The following UNC13C variants were observed in gnomAD, a reference collection of about 807,000 sequenced individuals.
UNC13C encodes protein unc-13 homolog C.
UNC13C carries 174 observed loss-of-function variants against 245.4 expected under a neutral mutation model. The observed-to-expected ratio is 0.71, with a 90% confidence interval of 0.63 to 0.80. UNC13C has a LOEUF of 0.80. Ranked by LOEUF, UNC13C falls within the 30% of genes least tolerant of loss-of-function variation. The probability of loss-of-function intolerance (pLI) is 0.00; values close to 1 mark genes in which losing one functional copy is unlikely to be tolerated. For synonymous variants in UNC13C, 992 were observed against 895.1 expected (o/e 1.11, Z -1.93); for missense variants, 2,829 against 2,602.9 (o/e 1.09, Z -1.89).
At chr15:54,584,831 C>T (rs188909021) in intron 30 of UNC13C, among the ~76,000 whole-genome samples, 52 of 152,248 alleles carry the variant, frequency 3.4e-4, no homozygotes, top group East Asian at 2.9e-3. Flanking sequence ...AATTAGGTGA[C>T]GGGTGAGACT....
Position 54,548,208 on chromosome 15 carries a change from C to CTTTTTTTTTTTT in UNC13C, c.5820+1382_5820+1393dup, listed in dbSNP as rs60975842. On this transcript the variant is annotated intron_variant, in intron 27 of 32. Transcript: ENST00000260323. ...TGTTGTTGTTGTTTTGTTTCTTTTG[C>CTTTTTTTTTTTT]TTTTTTTTTTTTTTTTTTTTTTTTT... 2.9e-4 allele frequency among the ~76,000 whole-genome samples: 18 copies of CTTTTTTTTTTTT among 61,936 alleles called. 2 individuals are homozygous for CTTTTTTTTTTTT. The highest frequency in any genetic ancestry group is 6.5e-4 in the African/African-American group (15 of 22,942). The allele number at this position is 61,936 out of a possible 152,430, so 40.6% of individuals were successfully genotyped here.
At chr15:54,443,007 T>C (rs763107239) in intron 19 of UNC13C, among the ~76,000 whole-genome samples, 20 of 152,270 alleles carry the variant, frequency 1.3e-4, no homozygotes, top group Non-Finnish European at 2.8e-4. Flanking sequence ...TTCTTCTTTA[T>C]ATATTTGCTA....
At chr15:54,494,806 GT>G in intron 20 of UNC13C, 72 bp downstream of exon 20, 1 of 1,528,558 alleles carries the variant, frequency 6.5e-7, no homozygotes, top group Non-Finnish European at 8.9e-7. Context: ...CCTGAATTGT[GT>G]ACCACTAAAA....
At chr15:54,147,789 C>CGTGTGTGTGTGTGTGTGTGTGTGT (rs56353727) in intron 4 of UNC13C, among the ~76,000 whole-genome samples, 104 of 147,590 alleles carry the variant, frequency 7.0e-4, no homozygotes, top group African/African-American at 1.3e-3. Flanking sequence ...AAGGTGTGTG[C>CGTGTGTGTGTGTGTGTGTGTGTGT]GTGTGTGTGT....
At chr15:54,131,405 T>C (rs993296136) in intron 2 of UNC13C, among the ~76,000 whole-genome samples, 1 of 152,254 alleles carries the variant, frequency 6.6e-6, no homozygotes, top group Non-Finnish European at 1.5e-5. Context: ...CCTGATCTAC[T>C]ATTTACTTTC....
At chr15:54,328,491 C>G (rs1162820003) in intron 14 of UNC13C, among the ~76,000 whole-genome samples, 1 of 151,962 alleles carries the variant, frequency 6.6e-6, no homozygotes, top group African/African-American at 2.4e-5. Context: ...CTAGCACCTC[C>G]CAGGGGTGCT....
chr15:54,108,762 TA>T lies in UNC13C; in HGVS notation c.2984-34251del, dbSNP rs567458637. 1.4e-3 allele frequency among the ~76,000 whole-genome samples: 209 copies of T among 152,254 alleles called. 1 individual carries two copies. Among genetic ancestry groups the T allele is most frequent in the African/African-American group, 4.9e-3 (204 of 41,542 alleles). On this transcript the variant is annotated intron_variant, in intron 2 of 32. Coordinates refer to ENST00000260323, the MANE Select transcript of UNC13C (RefSeq NM_001080534.3). Reference sequence around the variant, plus strand: ...TACTTTGTTTGGAAAATAGGGGAGATAAAAAGAGGTGGAGGCATACAGTAAG... The same window carrying T: ...TACTTTGTTTGGAAAATAGGGGAGATAAAAGAGGTGGAGGCATACAGTAAG...
chr15:54,449,090 T>C (rs554989899), intron 19 of UNC13C, among the ~76,000 whole-genome samples: 2 of 152,298 alleles, frequency 1.3e-5, no homozygotes, highest in East Asian at 3.9e-4. Context: ...TTTAAGAATG[T>C]TGAATATTGG....
the UNC13C span, among the ~76,000 whole-genome samples, chr15:53,919,212 T>C: frequency 6.6e-6 from 1 of 152,216 alleles, no homozygotes; most frequent in African/African-American, 2.4e-5. Flanking sequence ...GTAATAATTA[T>C]GGTGTCTCAA....
chr15:54,445,505 G>A (rs1447577746), intron 19 of UNC13C, among the ~76,000 whole-genome samples: 1 of 152,150 alleles, frequency 6.6e-6, no homozygotes, highest in Non-Finnish European at 1.5e-5. Context: ...TCACTGGTGT[G>A]AGATGGTATC....
chr15:54,139,254 G>A (rs569142533), intron 2 of UNC13C, among the ~76,000 whole-genome samples: 1 of 131,768 alleles, frequency 7.6e-6, no homozygotes, highest in Non-Finnish European at 1.7e-5. Context: ...AACCGCATCC[G>A]GCCCAAATTT....
chr15:53,895,476 T>G, the UNC13C span, among the ~76,000 whole-genome samples: 1 of 151,766 alleles, frequency 6.6e-6, no homozygotes, highest in East Asian at 1.9e-4. Context: ...GATCATTGAA[T>G]GTTCATAAAT....
At chr15:54,472,627 C>G (rs371551093) in intron 19 of UNC13C, among the ~76,000 whole-genome samples, 3 of 151,766 alleles carry the variant, frequency 2.0e-5, no homozygotes, top group Non-Finnish European at 4.4e-5. Context: ...ATTTATCACT[C>G]CTTCCTTTTT....
chr15:54,284,555 G>T (rs1377391135), intron 10 of UNC13C, among the ~76,000 whole-genome samples: 1 of 152,124 alleles, frequency 6.6e-6, no homozygotes, highest in Non-Finnish European at 1.5e-5. Context: ...TACAGGGTTT[G>T]AGCTGGGAAA....
Position 54,500,924 on chromosome 15 carries a change from A to C in UNC13C, c.5247A>C (p.Lys1749Asn). The C allele has an allele frequency of 6.2e-7, 1 of 1,613,096 alleles. No individual in the cohort carries two copies. The highest frequency in any genetic ancestry group is 8.5e-7 in the Non-Finnish European group (1 of 1,179,310). The part of the protein sequence containing the change: ...QLNQSFEIIK[K>N]LECPNPEALS... ...ATCAGAGCTTTGAAATTATTAAGAA[A>C]CTGGAATGCCCTAATCCTGAAGCAT... Residue 1749 changes from lysine to asparagine, a missense_variant, in exon 22 of 33, where the codon AAA becomes AAC. Lys to Asn is a moderately conservative substitution (Grantham distance 94). Coordinates refer to ENST00000260323, the MANE Select transcript of UNC13C (RefSeq NM_001080534.3).
At chr15:54,056,690 A>G (rs1897542766) in intron 2 of UNC13C, among the ~76,000 whole-genome samples, 1 of 152,264 alleles carries the variant, frequency 6.6e-6, no homozygotes, top group African/African-American at 2.4e-5. Context: ...GAAGGAAAAA[A>G]TGTTAAGGGC....
intron 2 of UNC13C, among the ~76,000 whole-genome samples, chr15:54,097,386 C>G (rs1899924374): frequency 6.6e-6 from 1 of 152,138 alleles, no homozygotes; most frequent in Non-Finnish European, 1.5e-5. Context: ...TCAATCTCCC[C>G]AATGTGTAAG....
intron 19 of UNC13C, among the ~76,000 whole-genome samples, chr15:54,424,218 C>T (rs1046682930): frequency 6.6e-6 from 1 of 151,592 alleles, no homozygotes; most frequent in Non-Finnish European, 1.5e-5. Context: ...AAAAAAATAG[C>T]TGTGACTATT....
chr15:53,875,332 G>A, the UNC13C span, among the ~76,000 whole-genome samples: 3 of 152,050 alleles, frequency 2.0e-5, no homozygotes, highest in Non-Finnish European at 4.4e-5. Flanking sequence ...TGGCAGACTA[G>A]CGCAAGATTT....
Sources: allele counts gnomAD v4.1 joint callset (sites outside exome capture counted in the v4.1 genomes callset), GRCh38; gene constraint gnomAD v4.1.1; transcripts MANE v1.5; gene names NCBI Gene and HGNC (gene_info 2026-07-23, HGNC 2026-07-21).